Variants in SNTG2 observed in about 807,000 individuals in gnomAD.
SNTG2 encodes syntrophin gamma 2, also known as gamma-2-syntrophin.
Under a neutral mutation model 70.9 loss-of-function variants are expected in SNTG2, and 74 were observed. That is an observed-to-expected ratio of 1.04 (90% CI 0.86 to 1.27). SNTG2 has a LOEUF of 1.27. Ranked by LOEUF, SNTG2 falls within the 50% of genes most tolerant of loss-of-function variation. The pLI is 0.00. For synonymous variants in SNTG2, 278 were observed against 273.8 expected (o/e 1.02, Z -0.15); for missense variants, 717 against 690.7 (o/e 1.04, Z -0.43).
intron 1 of SNTG2, among the ~76,000 whole-genome samples, chr2:1,051,542 G>A (rs772198274): frequency 1.3e-5 from 2 of 152,138 alleles, no homozygotes; most frequent in African/African-American, 2.4e-5. Context: ...ATTTGTACTC[G>A]GGGCAGCTTC....
intron 2 of SNTG2, among the ~76,000 whole-genome samples, chr2:1,095,982 T>C (rs956457707): frequency 2.6e-5 from 4 of 152,184 alleles, no homozygotes; most frequent in South Asian, 2.1e-4. Context: ...CCATGAACAC[T>C]ACAGAATTTA....
In SNTG2 at chr2:1,173,129, C is replaced by T. The variant is rs370463288; in HGVS notation, c.537C>T (p.Ala179=). The T allele has an allele frequency of 5.6e-6, 9 of 1,613,982 alleles. No homozygotes were observed. Among genetic ancestry groups the T allele is most frequent in the African/African-American group, 4.0e-5 (3 of 75,038 alleles). ...PGPSSDHSSG[A]SSPLFDSGLH... is the part of the protein sequence containing the mutation. ...CATCCAGCGACCACAGCAGTGGGGCCTCCTCTCCCCTCTTTGACAGCGGTT... is the reference window on the plus strand; with the variant it reads ...CATCCAGCGACCACAGCAGTGGGGCTTCCTCTCCCCTCTTTGACAGCGGTT... Residue 179 remains alanine, a synonymous_variant, in exon 8 of 17, where the codon GCC becomes GCT. Coordinates refer to ENST00000308624, the MANE Select transcript of SNTG2 (RefSeq NM_018968.4).
intron 14 of SNTG2, among the ~76,000 whole-genome samples, chr2:1,291,578 C>T (rs998534586): frequency 6.6e-6 from 1 of 152,174 alleles, no homozygotes; most frequent in Non-Finnish European, 1.5e-5. Context: ...ATCCAGTTTT[C>T]CCAGCACCAT....
intron 8 of SNTG2, among the ~76,000 whole-genome samples, chr2:1,190,505 A>C (rs1162191178): frequency 5.7e-4 from 33 of 58,382 alleles, no homozygotes; most frequent in Non-Finnish European, 1.1e-3. Context: ...CTATATATAT[A>C]TATATATATA....
chr2:1,302,931 G>A (rs988630018), intron 14 of SNTG2, among the ~76,000 whole-genome samples: 3 of 152,068 alleles, frequency 2.0e-5, no homozygotes, highest in Admixed American at 6.6e-5. Flanking sequence ...TCAGTCCACC[G>A]GGAAGACCCA....
intron 1 of SNTG2, among the ~76,000 whole-genome samples, chr2:1,074,479 T>A (rs960717635): frequency 6.6e-5 from 10 of 152,322 alleles, no homozygotes; most frequent in Non-Finnish European, 1.5e-5. Flanking sequence ...TAAACAGTGG[T>A]CTTTACATTG....
At chr2:1,128,963 C>A (rs1476784937) in intron 4 of SNTG2, among the ~76,000 whole-genome samples, 1 of 152,066 alleles carries the variant, frequency 6.6e-6, no homozygotes, top group Non-Finnish European at 1.5e-5. Context: ...AATGATTACT[C>A]ATCTACTTCC....
chr2:1,300,809 A>G (rs192542205), intron 14 of SNTG2, among the ~76,000 whole-genome samples: 235 of 152,270 alleles, frequency 1.5e-3, no homozygotes, highest in African/African-American at 5.2e-3. Context: ...TTAATACCAC[A>G]TTTTGTTTTA....
At chr2:1,061,230 A>T (rs534179375) in intron 1 of SNTG2, among the ~76,000 whole-genome samples, 1 of 152,248 alleles carries the variant, frequency 6.6e-6, no homozygotes, top group Non-Finnish European at 1.5e-5. Context: ...GAGATGTGAC[A>T]GCACAAAGCC....
chr2:1,186,986 A>T (rs1490155779), intron 8 of SNTG2, among the ~76,000 whole-genome samples: 1 of 152,160 alleles, frequency 6.6e-6, no homozygotes, highest in Non-Finnish European at 1.5e-5. Flanking sequence ...GACAAATGTG[A>T]GGTGGCAGCT....
intron 9 of SNTG2, among the ~76,000 whole-genome samples, chr2:1,223,448 T>C (rs1166828842): frequency 6.6e-6 from 1 of 152,126 alleles, no homozygotes; most frequent in Non-Finnish European, 1.5e-5. Flanking sequence ...GGCACTGATC[T>C]TGTGTCTCTG....
At chr2:1,095,592 G>A (rs1057264960) in intron 2 of SNTG2, among the ~76,000 whole-genome samples, 6 of 152,022 alleles carry the variant, frequency 3.9e-5, no homozygotes, top group Non-Finnish European at 8.8e-5. Flanking sequence ...TATTTTCTTT[G>A]AAATATCAAG....
Position 1,221,989 on chromosome 2 carries a change from G to GTC in SNTG2, c.719+12763_719+12764dup, listed in dbSNP as rs1273680108. Among the ~76,000 whole-genome samples, 5 of 2,492 alleles carry GTC rather than the reference G, an allele frequency of 2.0e-3. 1 individual carries two copies. The highest frequency in any genetic ancestry group is 0.014 in the Admixed American group (4 of 278). The allele number at this position is 2,492 out of a possible 152,430, so 1.6% of individuals were successfully genotyped here. On this transcript the variant is annotated intron_variant, in intron 9 of 16. Transcript: ENST00000308624. Reference sequence around the variant, plus strand: ...TCTGTCTCTGTCTCTGTCTCTCTCTGTCTCTGTCTCTGTCTCTCTCTGTCT... The same window carrying GTC: ...TCTGTCTCTGTCTCTGTCTCTCTCTGTCTCTCTGTCTCTGTCTCTCTCTGTCT...
At chr2:1,179,220 G>T (rs543991097) in intron 8 of SNTG2, among the ~76,000 whole-genome samples, 6,973 of 152,012 alleles carry the variant, frequency 0.046, 260 homozygotes, top group East Asian at 0.21. Flanking sequence ...CTTGCTAGCG[G>T]TCTATCAATT....
At chr2:1,308,030 A>G (rs762498111) in intron 14 of SNTG2, among the ~76,000 whole-genome samples, 6 of 152,092 alleles carry the variant, frequency 3.9e-5, no homozygotes, top group Non-Finnish European at 7.4e-5. Context: ...TGGCGGTGTA[A>G]ATTGTACTGC....
At chr2:1,263,575 C>T (rs1382097976) in intron 13 of SNTG2, among the ~76,000 whole-genome samples, 1 of 151,178 alleles carries the variant, frequency 6.6e-6, no homozygotes, top group East Asian at 1.9e-4. Context: ...TTTCTTCAGT[C>T]GTGGGGGTGG....
intron 1 of SNTG2, among the ~76,000 whole-genome samples, chr2:992,658 A>G (rs1661538893): frequency 6.6e-6 from 1 of 152,196 alleles, no homozygotes; most frequent in African/African-American, 2.4e-5. Context: ...CTCCCCTTCC[A>G]CATTGCATTT....
intron 9 of SNTG2, among the ~76,000 whole-genome samples, chr2:1,237,301 G>T (rs1309419148): frequency 6.6e-6 from 1 of 152,164 alleles, no homozygotes; most frequent in Non-Finnish European, 1.5e-5. Flanking sequence ...TTTCTCTTTT[G>T]CAAATAGGCA....
intron 1 of SNTG2, among the ~76,000 whole-genome samples, chr2:1,068,578 G>T (rs982599412): frequency 1.7e-4 from 26 of 152,224 alleles, no homozygotes; most frequent in Middle Eastern, 6.8e-3. Context: ...AATTAGACAG[G>T]TGTTCTCATT....
Sources: allele counts gnomAD v4.1 joint callset (sites outside exome capture counted in the v4.1 genomes callset), GRCh38; gene constraint gnomAD v4.1.1; transcripts MANE v1.5; gene names NCBI Gene and HGNC (gene_info 2026-07-23, HGNC 2026-07-21).